STOX1: variants seen among roughly 807,000 people sequenced by gnomAD.
STOX1 encodes the protein storkhead box 1, also known as storkhead-box protein 1.
In STOX1, 57 loss-of-function variants were observed where a neutral mutation model predicts 74.8. The observed-to-expected ratio is 0.76, with a 90% CI of 0.62 to 0.95. The LOEUF is 0.95. Among genes scored for constraint, STOX1 ranks in the 40% least tolerant of loss-of-function variants. The pLI is 0.00. For missense variants in STOX1, 1,010 were observed against 1,117.0 expected (o/e 0.90, Z 1.37); for synonymous variants, 375 against 401.3 (o/e 0.93, Z 0.78).
chr10:68,833,596 A>G (rs1238832129), intron 1 of STOX1, among the ~76,000 whole-genome samples: 1 of 152,070 alleles, frequency 6.6e-6, no homozygotes, highest in East Asian at 1.9e-4. Context: ...TCAGAGTGAA[A>G]CAGAACAGAC....
downstream of STOX1, among the ~76,000 whole-genome samples, chr10:68,894,789 G>A (rs1564593023): frequency 6.6e-6 from 1 of 152,186 alleles, no homozygotes; most frequent in African/African-American, 2.4e-5. Flanking sequence ...ACAGTGGCAT[G>A]ATCACAGCAC....
intron 3 of STOX1, among the ~76,000 whole-genome samples, chr10:68,888,384 G>C (rs1306546014): frequency 6.6e-6 from 1 of 152,154 alleles, no homozygotes; most frequent in East Asian, 1.9e-4. Context: ...TTACAGGTGT[G>C]AGCCACTGTG....
downstream of STOX1, among the ~76,000 whole-genome samples, chr10:68,893,669 G>A (rs534078099): frequency 1.3e-5 from 2 of 152,164 alleles, no homozygotes; most frequent in African/African-American, 2.4e-5. Context: ...CACCCGCCTC[G>A]GCCTCCCAAA....
chr10:68,890,957 G>C (rs1045279002), intron 3 of STOX1, among the ~76,000 whole-genome samples: 3 of 151,982 alleles, frequency 2.0e-5, no homozygotes, highest in African/African-American at 7.2e-5. Flanking sequence ...CAGCTATTAA[G>C]TATTTAAGAT....
chr10:68,870,725 T>A (rs1840516306), intron 1 of STOX1, among the ~76,000 whole-genome samples: 1 of 150,852 alleles, frequency 6.6e-6, no homozygotes, highest in Admixed American at 6.6e-5. Flanking sequence ...TGTTTGAAGA[T>A]GAAGGGGACA....
chr10:68,871,280 G>A (rs1467916156), intron 1 of STOX1, among the ~76,000 whole-genome samples: 4 of 152,214 alleles, frequency 2.6e-5, no homozygotes, highest in Admixed American at 6.5e-5. Context: ...GGGCACCCCC[G>A]GGTGGGGCCA....
intron 1 of STOX1, among the ~76,000 whole-genome samples, chr10:68,832,674 A>AAG (rs149979004): frequency 0.06 from 9,006 of 149,078 alleles, 358 homozygotes; most frequent in Middle Eastern, 0.11. Flanking sequence ...AAAAAAAAAA[A>AAG]AAAGAAAGCA....
At chr10:68,855,171 AGTGCAGTGGC>A (rs2133546688) in intron 1 of STOX1, among the ~76,000 whole-genome samples, 1 of 147,318 alleles carries the variant, frequency 6.8e-6, no homozygotes, top group Admixed American at 6.7e-5. Context: ...CCCAGGCTGG[AGTGCAGTGGC>A]GTGATCTTGG....
At chr10:68,828,647 G>T (rs1839328283) in intron 1 of STOX1, among the ~76,000 whole-genome samples, 1 of 152,146 alleles carries the variant, frequency 6.6e-6, no homozygotes, top group African/African-American at 2.4e-5. Flanking sequence ...GGTTAGGAAG[G>T]GTACCCCAGG....
Position 68,892,990 on chromosome 10 carries a change from G to T in STOX1, c.*254G>T, listed in dbSNP as rs1841133340. 1 of 362,270 alleles carries T rather than the reference G, an allele frequency of 2.8e-6. No individual in the cohort carries two copies. The highest frequency in any genetic ancestry group is 5.0e-6 in the Non-Finnish European group (1 of 201,270). 22.4% of individuals were successfully genotyped at this position (362,270 alleles called of 1,614,324 possible). On this transcript the variant is annotated 3_prime_UTR_variant, in exon 4 of 4. Coordinates refer to ENST00000298596, the MANE Select transcript of STOX1 (RefSeq NM_152709.5). ...TTTTCGATTAAAAAGTGGAATTATT[G>T]GTCCCCTTCCAATTGTAATTATCTT...
At chr10:68,835,995 C>T (rs776762801) in intron 1 of STOX1, among the ~76,000 whole-genome samples, 1 of 152,182 alleles carries the variant, frequency 6.6e-6, no homozygotes, top group Non-Finnish European at 1.5e-5. Flanking sequence ...CCTCAGCCTC[C>T]TAAGTAGCTG....
chr10:68,841,838 C>A (rs190427290), intron 1 of STOX1, among the ~76,000 whole-genome samples: 1 of 152,118 alleles, frequency 6.6e-6, no homozygotes, highest in Non-Finnish European at 1.5e-5. Flanking sequence ...ATGTTGGAGG[C>A]GTTCCTGGGA....
At chr10:68,873,723 C>T (rs1355279961) in intron 1 of STOX1, among the ~76,000 whole-genome samples, 1 of 135,786 alleles carries the variant, frequency 7.4e-6, no homozygotes, top group Admixed American at 8.2e-5. Context: ...GTGGTGCGAT[C>T]TCCTGCAAAC....
chr10:68,863,063 T>G lies in STOX1; in HGVS notation c.311-18895T>G, dbSNP rs117795579. On this transcript the variant is annotated intron_variant, in intron 1 of 3. Coordinates refer to ENST00000298596, the MANE Select transcript of STOX1 (RefSeq NM_152709.5). ...CAACTAGTGTCCTTTCCCAAACAGA[T>G]AGGCCGATGTTCAAATCCTAAAGAA... Among the ~76,000 whole-genome samples, 815 of 152,126 alleles carry G rather than the reference T, an allele frequency of 5.4e-3. 9 individuals are homozygous for G. Among genetic ancestry groups the G allele is most frequent in the Non-Finnish European group, 6.9e-3 (466 of 68,004 alleles).
chr10:68,828,221 C>A (rs1173909900), intron 1 of STOX1: 14 of 948,306 alleles, frequency 1.5e-5, no homozygotes, highest in African/African-American at 1.4e-4. Context: ...CGATGCCTGG[C>A]GGCGCCGGGC....
At chr10:68,865,977 A>G (rs1478382062) in intron 1 of STOX1, among the ~76,000 whole-genome samples, 2 of 152,040 alleles carry the variant, frequency 1.3e-5, no homozygotes, top group African/African-American at 4.8e-5. Flanking sequence ...ATGGTATCCT[A>G]AACCTTGGTA....
Position 68,886,065 on chromosome 10 carries a change from C to A in STOX1, c.2269C>A (p.Gln757Lys), listed in dbSNP as rs769487915. The change falls in exon 3 of 4, where the codon CAG becomes AAG. Residue 757 changes from glutamine (Q) to lysine (K), a missense_variant. Coordinates refer to ENST00000298596, the MANE Select transcript of STOX1 (RefSeq NM_152709.5). ...ACGTCAAATGCTGCCTGGCCACAGTCAGTATTCCTTCACAGGTGGAAGCCA... is the reference window on the plus strand; with the variant it reads ...ACGTCAAATGCTGCCTGGCCACAGTAAGTATTCCTTCACAGGTGGAAGCCA... ...DLRQMLPGHSQYSFTGGSQGN... is the reference protein window; with the variant it reads ...DLRQMLPGHSKYSFTGGSQGN... The A allele has an allele frequency of 6.2e-7, 1 of 1,614,144 alleles. No individual in the cohort carries two copies. Among genetic ancestry groups the A allele is most frequent in the Admixed American group, 1.7e-5 (1 of 60,012 alleles).
intron 1 of STOX1, among the ~76,000 whole-genome samples, chr10:68,853,215 G>A (rs946930241): frequency 1.3e-5 from 2 of 152,104 alleles, no homozygotes; most frequent in Non-Finnish European, 2.9e-5. Context: ...GTGAGCCACT[G>A]TGCCCGGCCG....
chr10:68,861,652 C>G (rs941012991), intron 1 of STOX1, among the ~76,000 whole-genome samples: 12 of 152,124 alleles, frequency 7.9e-5, no homozygotes, highest in Admixed American at 3.9e-4. Context: ...GCAGACTACA[C>G]AAAGACAAAC....
Sources: allele counts gnomAD v4.1 joint callset (sites outside exome capture counted in the v4.1 genomes callset), GRCh38; gene constraint gnomAD v4.1.1; transcripts MANE v1.5; gene names NCBI Gene and HGNC (gene_info 2026-07-23, HGNC 2026-07-21).